The following SOCS6 variants were observed in gnomAD, a reference collection of about 807,000 sequenced individuals.
SOCS6 encodes the protein suppressor of cytokine signaling 6.
Under a neutral mutation model 27.7 loss-of-function variants are expected in SOCS6, and 5 were observed. That is an observed-to-expected ratio of 0.18 (90% CI 0.09 to 0.38). The LOEUF is 0.38. Ranked by LOEUF, SOCS6 falls within the 10% of genes least tolerant of loss-of-function variation. SOCS6 has a pLI of 1.00. For synonymous variants in SOCS6, 271 were observed against 260.0 expected (o/e 1.04, Z -0.41); for missense variants, 595 against 688.1 (o/e 0.86, Z 1.51).
Position 70,294,187 on chromosome 18 carries a change from T to C in SOCS6, c.-127+5097T>C, listed in dbSNP as rs183105269. 1.4e-3 allele frequency among the ~76,000 whole-genome samples: 216 copies of C among 152,266 alleles called. 2 individuals are homozygous for C. Among genetic ancestry groups the C allele is most frequent in the African/African-American group, 4.1e-3 (171 of 41,576 alleles). ...AGTGCTAATACTTTAACACTAGTAT[T>C]CTACTCCTTTATCTGACTGCTTTTG... is the stretch of plus-strand genomic sequence containing the variant. On this transcript the variant is annotated intron_variant, in intron 1 of 1. Coordinates refer to ENST00000397942, the MANE Select transcript of SOCS6 (RefSeq NM_004232.4).
intron 1 of SOCS6, among the ~76,000 whole-genome samples, chr18:70,293,468 A>G (rs1274920373): frequency 6.6e-6 from 1 of 152,160 alleles, no homozygotes; most frequent in Non-Finnish European, 1.5e-5. Flanking sequence ...AGTCATGTAT[A>G]GTGTATAGAA....
chr18:70,290,240 C>G (rs2062292768), intron 1 of SOCS6, among the ~76,000 whole-genome samples: 1 of 152,202 alleles, frequency 6.6e-6, no homozygotes, highest in Admixed American at 6.5e-5. Context: ...GATAAAGATA[C>G]ATTTGGAATC....
chr18:70,325,484 C>T lies in SOCS6; in HGVS notation c.816C>T (p.Asp272=). The change falls in exon 2 of 2, where the codon GAC becomes GAT. Residue 272 remains aspartate (D), a synonymous_variant. Transcript: ENST00000397942. This position sits in a 1 kb window ranked among gnomAD's most constrained non-coding sequence, Gnocchi z 6.3. ...FPEDESQVDQ[D]LVVAPEIFVD... ...AGGATGAGAGTCAGGTAGACCAGGA[C>T]CTAGTTGTCGCCCCAGAGATCTTCG... 1 of 1,614,148 alleles carries T rather than the reference C, an allele frequency of 6.2e-7. No individual in the cohort carries two copies. The highest frequency in any genetic ancestry group is 8.5e-7 in the Non-Finnish European group (1 of 1,180,040).
At position 70,325,693 on chromosome 18, in the gene SOCS6, G is replaced by A. The variant is rs1911179749; in HGVS notation, c.1025G>A (p.Cys342Tyr). ...GCCCACGTGGCTGAAAGTATGCGCTGTCATTTGAATTTTGATCCGAACTCT... is the reference window on the plus strand; with the variant it reads ...GCCCACGTGGCTGAAAGTATGCGCTATCATTTGAATTTTGATCCGAACTCT... ...TEAHVAESMR[C>Y]HLNFDPNSAP... The change falls in exon 2 of 2, where the codon TGT becomes TAT. Residue 342 changes from cysteine to tyrosine, a missense_variant. Transcript: ENST00000397942. This position sits in a 1 kb window ranked among gnomAD's most constrained non-coding sequence, Gnocchi z 6.3. The A allele has an allele frequency of 1.2e-6, 2 of 1,614,100 alleles. No homozygotes were observed. The highest frequency in any genetic ancestry group is 1.7e-6 in the Non-Finnish European group (2 of 1,180,052).
chr18:70,289,588 G>GCGGGCTCGGGCT (rs530564611), intron 1 of SOCS6, among the ~76,000 whole-genome samples: 1 of 147,182 alleles, frequency 6.8e-6, no homozygotes, highest in African/African-American at 2.4e-5. Flanking sequence ...TCGGACCTCC[G>GCGGGCTCGGGCT]CGGGCTCGGG....
At chr18:70,319,872 G>A (rs985086359) in intron 1 of SOCS6, among the ~76,000 whole-genome samples, 4 of 152,132 alleles carry the variant, frequency 2.6e-5, no homozygotes, top group Admixed American at 2.0e-4. Flanking sequence ...TAAAAACAAC[G>A]ATCGACAGAC....
chr18:70,323,473 C>T (rs1290050222), intron 1 of SOCS6, among the ~76,000 whole-genome samples: 1 of 151,964 alleles, frequency 6.6e-6, no homozygotes, highest in Non-Finnish European at 1.5e-5. Flanking sequence ...AAAAATTTGC[C>T]ATGGGAAATT....
chr18:70,322,964 T>C (rs1911044340), intron 1 of SOCS6, among the ~76,000 whole-genome samples: 1 of 152,212 alleles, frequency 6.6e-6, no homozygotes, highest in Non-Finnish European at 1.5e-5. Flanking sequence ...AGTTTATCTG[T>C]TCATACATCT....
At chr18:70,320,309 G>T (rs1910936004) in intron 1 of SOCS6, among the ~76,000 whole-genome samples, 2 of 152,070 alleles carry the variant, frequency 1.3e-5, no homozygotes, top group Non-Finnish European at 2.9e-5. Flanking sequence ...AAAAAATTTT[G>T]TGTTATGGTT....
intron 1 of SOCS6, among the ~76,000 whole-genome samples, chr18:70,306,062 A>T (rs2062367939): frequency 6.6e-6 from 1 of 151,830 alleles, no homozygotes; most frequent in African/African-American, 2.4e-5. Context: ...ACATAGGGAG[A>T]CCCTGTCTCT....
intron 1 of SOCS6, among the ~76,000 whole-genome samples, chr18:70,305,440 C>T (rs1002983254): frequency 6.6e-6 from 1 of 152,198 alleles, no homozygotes; most frequent in African/African-American, 2.4e-5. Flanking sequence ...CTCCTTTATT[C>T]TGTGATGTGT....
chr18:70,289,225 G>A (rs2062286900), intron 1 of SOCS6, 135 bp downstream of exon 1: 1 of 151,256 alleles, frequency 6.6e-6, no homozygotes, highest in South Asian at 1.9e-4. Flanking sequence ...CCGGGCCAGG[G>A]AGGCCGCCGG....
rs766296683 is a variant in SOCS6 at position 70,325,521 on chromosome 18, G to T, written c.853G>T (p.Val285Leu). Residue 285 changes from valine to leucine, a missense_variant, in exon 2 of 2, where the codon GTG (valine) becomes TTG (leucine). Around this residue, in one of 2 missense-constraint regions of SOCS6, gnomAD observed 467 missense variants for 481.1 expected, o/e 0.97. Coordinates refer to ENST00000397942, the MANE Select transcript of SOCS6 (RefSeq NM_004232.4). This position sits in a 1 kb window ranked among gnomAD's most constrained non-coding sequence, Gnocchi z 6.3. ...VAPEIFVDQS[V>L]NGLLIGTTGV... Reference sequence around the variant, plus strand: ...CCCAGAGATCTTCGTGGATCAGTCCGTGAATGGCTTGTTGATTGGCACCAC... The same window carrying T: ...CCCAGAGATCTTCGTGGATCAGTCCTTGAATGGCTTGTTGATTGGCACCAC... The T allele has an allele frequency of 1.2e-6, 2 of 1,614,140 alleles. No individual in the cohort carries two copies. The highest frequency in any genetic ancestry group is 1.7e-5 in the Admixed American group (1 of 60,030).
rs79062131 is a variant in SOCS6, at chr18:70,297,014, G to A, written c.-127+7924G>A. On this transcript the variant is annotated intron_variant, in intron 1 of 1. Coordinates refer to ENST00000397942, the MANE Select transcript of SOCS6 (RefSeq NM_004232.4). ...TCCATTTTTCTTGTCTGTTGTTGTT[G>A]TTGTTGTTGTTGTTCTTTGGAGGGG... Among the ~76,000 whole-genome samples the A allele has an allele frequency of 3.0e-4, 42 of 142,152 alleles. 1 individual carries two copies. The highest frequency in any genetic ancestry group is 1.8e-3 in the Admixed American group (26 of 14,752). The allele number at this position is 142,152 out of a possible 152,430, so 93.3% of individuals were successfully genotyped here. A position where few individuals can be genotyped will look rare whatever the true frequency, so the allele number is the denominator to read the frequency against.
chr18:70,307,206 G>A (rs1384530053), intron 1 of SOCS6, among the ~76,000 whole-genome samples: 2 of 152,150 alleles, frequency 1.3e-5, no homozygotes, highest in Non-Finnish European at 2.9e-5. Context: ...AGGTTGCAGC[G>A]AGCCATGATT....
intron 1 of SOCS6, among the ~76,000 whole-genome samples, chr18:70,304,174 T>C (rs994590369): frequency 2.0e-5 from 3 of 152,082 alleles, no homozygotes; most frequent in Non-Finnish European, 1.5e-5. Context: ...ATGGAGAAAC[T>C]TCTGATCCTC....
intron 1 of SOCS6, among the ~76,000 whole-genome samples, chr18:70,324,335 C>T (rs568829950): frequency 3.6e-5 from 5 of 138,558 alleles, no homozygotes; most frequent in African/African-American, 1.7e-4. Flanking sequence ...AAGTAAACAT[C>T]ATCAAATACT....
rs1911321830 is a variant in SOCS6, at chr18:70,329,145, T to C, written c.*2869T>C. 1 of 167,124 alleles carries C rather than the reference T, an allele frequency of 6.0e-6. No individual in the cohort carries two copies. Among genetic ancestry groups the C allele is most frequent in the African/African-American group, 2.4e-5 (1 of 41,470 alleles). The allele number at this position is 167,124 out of a possible 1,614,324, so 10.4% of individuals were successfully genotyped here. On this transcript the variant is annotated 3_prime_UTR_variant, in exon 2 of 2. Transcript: ENST00000397942. ...ATTTTTATAAATAAGAAGAAGGCTG[T>C]AGAAAGTACTTGAAAAATATCTAAT... is the stretch of plus-strand genomic sequence containing the variant.
In SOCS6 at chr18:70,324,906, C is replaced by T; in HGVS notation, c.238C>T (p.Arg80Trp). 7 of 1,614,156 alleles carry T rather than the reference C, an allele frequency of 4.3e-6. No individual in the cohort carries two copies. The highest frequency in any genetic ancestry group is 5.9e-6 in the Non-Finnish European group (7 of 1,180,032). ...GAGCCTGATGGGTACGCTAAAAAGGCGGCTTTCTGCAAAACAGAAGTCAAA... is the reference window on the plus strand; with the variant it reads ...GAGCCTGATGGGTACGCTAAAAAGGTGGCTTTCTGCAAAACAGAAGTCAAA... ...SESLMGTLKR[R>W]LSAKQKSKGK... is the part of the protein sequence containing the mutation. Residue 80 changes from arginine (R) to tryptophan (W), a missense_variant, in exon 2 of 2, where the codon CGG (arginine) becomes TGG (tryptophan). Transcript: ENST00000397942.
Sources: allele counts gnomAD v4.1 joint callset (sites outside exome capture counted in the v4.1 genomes callset), GRCh38; gene constraint gnomAD v4.1.1; regional missense constraint gnomAD v4.1.1; non-coding constraint Gnocchi (gnomAD v3.1); transcripts MANE v1.5; gene names NCBI Gene and HGNC (gene_info 2026-07-23, HGNC 2026-07-21).